ZNF44: variants seen among roughly 807,000 people sequenced by gnomAD.
ZNF44 encodes the protein zinc finger protein 44.
A neutral mutation model predicts 11.7 loss-of-function variants in ZNF44; 9 were observed. The observed-to-expected ratio is 0.77, with a 90% CI of 0.46 to 1.35. The LOEUF (loss-of-function observed/expected upper bound fraction) is 1.35. ZNF44 is among the 40% of genes most tolerant of loss of function. The probability of loss-of-function intolerance (pLI) is 0.00; values close to 1 mark genes in which losing one functional copy is unlikely to be tolerated. For synonymous variants in ZNF44, 224 were observed against 242.7 expected (o/e 0.92, Z 0.72); for missense variants, 696 against 743.1 (o/e 0.94, Z 0.74).
chr19:12,285,635 TC>T (rs1306869068), intron 1 of ZNF44, among the ~76,000 whole-genome samples: 1 of 152,096 alleles, frequency 6.6e-6, no homozygotes, highest in Non-Finnish European at 1.5e-5. Flanking sequence ...CCAGCAATGT[TC>T]CCCCATGTGT....
At chr19:12,235,811 G>C (rs531418289) in intron 1 of ZNF44, among the ~76,000 whole-genome samples, 1 of 152,178 alleles carries the variant, frequency 6.6e-6, no homozygotes, top group East Asian at 1.9e-4. Context: ...CCTGGCAACT[G>C]TGAGTATCCT....
intron 5 of ZNF44, among the ~76,000 whole-genome samples, chr19:12,262,133 T>C (rs552298355): frequency 6.6e-6 from 1 of 152,344 alleles, no homozygotes; most frequent in East Asian, 1.9e-4. Context: ...ATTTAAAGCA[T>C]GATGGATTTA....
rs1568463032 is a variant in ZNF44, at chr19:12,294,674, C to G, written c.3+18G>C. On this transcript the variant is annotated intron_variant, in intron 1 of 3. Coordinates refer to ENST00000355684, the MANE Select transcript of ZNF44 (RefSeq NM_016264.4). ...AGCCCTTCGCCCTGCCTCAGGACGCCGGGCCCCGCACACTCACCATTTCCC... is the reference window on the plus strand; with the variant it reads ...AGCCCTTCGCCCTGCCTCAGGACGCGGGGCCCCGCACACTCACCATTTCCC... 3 of 1,559,290 alleles carry G rather than the reference C, an allele frequency of 1.9e-6. No homozygotes were observed. The South Asian group carries it at 3.6e-5, about 18-fold the overall frequency.
downstream of ZNF44, among the ~76,000 whole-genome samples, chr19:12,269,439 T>C (rs1022747147): frequency 2.6e-5 from 4 of 152,084 alleles, no homozygotes; most frequent in Non-Finnish European, 4.4e-5. Flanking sequence ...GGAGAATCAC[T>C]TGAACCCAGG....
intron 1 of ZNF44, chr19:12,284,419 AT>A (rs1967631536): frequency 3.2e-6 from 2 of 630,582 alleles, no homozygotes; most frequent in Non-Finnish European, 5.9e-6. Context: ...TTCCGCGGAG[AT>A]TTCGGCAGTG....
chr19:12,276,004 G>T lies in ZNF44; in HGVS notation c.82C>A (p.Leu28Ile). The change falls in exon 2 of 4, where the codon CTC becomes ATC. Residue 28 changes from leucine (L) to isoleucine (I), a missense_variant. By Grantham distance (5) the Leu-to-Ile change is conservative. Coordinates refer to ENST00000355684, the MANE Select transcript of ZNF44 (RefSeq NM_016264.4). ...WALLGPSQKN[L>I]YRDVMRETIR... Reference sequence around the variant, plus strand: ...GTTTCTCGCATCACATCTCTGTAGAGATTCTTCTGTGATGGACCCAGCAAA... The same window carrying T: ...GTTTCTCGCATCACATCTCTGTAGATATTCTTCTGTGATGGACCCAGCAAA... The T allele has an allele frequency of 6.2e-7, 1 of 1,609,646 alleles. No individual in the cohort carries two copies. Among genetic ancestry groups the T allele is most frequent in the Non-Finnish European group, 8.5e-7 (1 of 1,177,000 alleles).
chr19:12,240,137 C>G (rs913616841), upstream of ZNF44, among the ~76,000 whole-genome samples: 2 of 152,034 alleles, frequency 1.3e-5, no homozygotes, highest in African/African-American at 4.8e-5. Flanking sequence ...CAACCCCTAT[C>G]AAAATCCTTA....
chr19:12,253,226 G>A, intron 5 of ZNF44, among the ~76,000 whole-genome samples: 1 of 131,752 alleles, frequency 7.6e-6, no homozygotes, highest in South Asian at 2.3e-4. Context: ...ATTGTGCTCT[G>A]TTGCCCAGGC....
intron 1 of ZNF44, among the ~76,000 whole-genome samples, chr19:12,283,831 T>C (rs1381555719): frequency 1.3e-5 from 2 of 152,116 alleles, no homozygotes; most frequent in Non-Finnish European, 2.9e-5. Context: ...CCCGGCAACA[T>C]GGCAGACCCT....
chr19:12,231,804 C>T lies in ZNF44; in HGVS notation n.381-1289G>A, dbSNP rs1916174300. On this transcript the variant is annotated intron_variant and non_coding_transcript_variant, in intron 2 of 3. Coordinates refer to the ZNF44 transcript ENST00000597563. ...TTTGGATTTACAGGGCAAATTTGTC[C>T]CTGGACTTTTTTGAGAACAATAGAG... Among the ~76,000 whole-genome samples, 6 of 152,230 alleles carry T rather than the reference C, an allele frequency of 3.9e-5. No homozygotes were observed. The South Asian group carries it at 1.2e-3, about 32-fold the overall frequency.
At chr19:12,284,605 C>T in intron 1 of ZNF44, 1 of 721,208 alleles carries the variant, frequency 1.4e-6, no homozygotes, top group Middle Eastern at 3.0e-4. Context: ...TTCCTGGGGG[C>T]CTCTCTCAAG....
At chr19:12,238,162 T>C (rs1024915003), upstream of ZNF44, 2 of 151,892 alleles carry the variant, frequency 1.3e-5, no homozygotes, top group African/African-American at 4.8e-5. Flanking sequence ...ATTAAGTGCA[T>C]GGAAAAAAGT....
chr19:12,277,015 A>G (rs1967256488), intron 1 of ZNF44, among the ~76,000 whole-genome samples: 1 of 152,150 alleles, frequency 6.6e-6, no homozygotes, highest in Non-Finnish European at 1.5e-5. Flanking sequence ...CAAAAAATAA[A>G]TATCATTTCT....
chr19:12,233,919 G>A lies in ZNF44; in HGVS notation n.380+748C>T, dbSNP rs528893752. 4.1e-4 allele frequency among the ~76,000 whole-genome samples: 63 copies of A among 152,118 alleles called. No homozygotes were observed. The South Asian group carries it at 0.012, about 30-fold the overall frequency. ...TCTACTAAAAATACAAAAATTAGCCGGGCATGGTGGCGGGCACCTGTAATC... is the reference window on the plus strand; with the variant it reads ...TCTACTAAAAATACAAAAATTAGCCAGGCATGGTGGCGGGCACCTGTAATC... On this transcript the variant is annotated intron_variant and non_coding_transcript_variant, in intron 2 of 3. Transcript: ENST00000597563.
In ZNF44 at chr19:12,272,453, C is replaced by T; in HGVS notation, c.1802G>A (p.Ser601Asn). ...TGTCCTTTTATGTCTATTAAAGGAA[C>T]TGAGAGAACTGAAGGCTTTCCCACA... ...KECGKAFSSL[S>N]SFNRHKRTHW... is the part of the protein sequence containing the mutation. The change falls in exon 4 of 4, where the codon AGT becomes AAT. Residue 601 changes from serine (S) to asparagine (N), a missense_variant. Transcript: ENST00000355684. 2 of 1,586,764 alleles carry T rather than the reference C, an allele frequency of 1.3e-6. No individual in the cohort carries two copies. The highest frequency in any genetic ancestry group is 1.7e-6 in the Non-Finnish European group (2 of 1,170,050).
chr19:12,233,565 A>C (rs1344520927), intron 2 of ZNF44, among the ~76,000 whole-genome samples: 4 of 151,900 alleles, frequency 2.6e-5, no homozygotes, highest in South Asian at 2.1e-4. Flanking sequence ...AAAAAAAAAA[A>C]AAAAAAACCT....
chr19:12,280,079 C>T (rs1303098733), intron 1 of ZNF44, among the ~76,000 whole-genome samples: 4 of 151,798 alleles, frequency 2.6e-5, no homozygotes, highest in Admixed American at 6.6e-5. Flanking sequence ...ATTAGCTGGG[C>T]GTGGTGGTGC....
chr19:12,246,121 T>A (rs1916762002), downstream of ZNF44, among the ~76,000 whole-genome samples: 1 of 152,210 alleles, frequency 6.6e-6, no homozygotes, highest in South Asian at 2.1e-4. Flanking sequence ...CAGTTCTGCC[T>A]TCCAACTTTC....
downstream of ZNF44, among the ~76,000 whole-genome samples, chr19:12,270,059 T>C (rs916897196): frequency 6.6e-6 from 1 of 152,180 alleles, no homozygotes; most frequent in African/African-American, 2.4e-5. Flanking sequence ...TTGTCTTCAG[T>C]CTCCTAAGAA....
Sources: gnomAD v4.1 joint callset for allele counts (sites outside exome capture counted in the v4.1 genomes callset) on GRCh38, gnomAD v4.1.1 for gene constraint, MANE v1.5 for transcripts, NCBI Gene and HGNC (gene_info 2026-07-23, HGNC 2026-07-21) for gene names.